Variants in CDH18 observed in about 807,000 individuals in gnomAD.
The protein encoded by CDH18 is cadherin-18.
A neutral mutation model predicts 67.9 loss-of-function variants in CDH18; 31 were observed. That is an observed-to-expected ratio of 0.46 (90% confidence interval 0.34 to 0.62). CDH18 has a LOEUF of 0.62. Among genes scored for constraint, CDH18 ranks in the 20% least tolerant of loss-of-function variants. CDH18 has a pLI of 0.01. For synonymous variants in CDH18, 362 were observed against 347.2 expected (o/e 1.04, Z -0.48); for missense variants, 890 against 975.5 (o/e 0.91, Z 1.17).
rs746624098 is a variant in CDH18 at position 19,571,638 on chromosome 5, A to C, written c.1194T>G (p.Ile398Met). 50 of 1,613,896 alleles carry C rather than the reference A, an allele frequency of 3.1e-5. No individual in the cohort carries two copies. The highest frequency in any genetic ancestry group is 3.6e-5 in the Non-Finnish European group (43 of 1,179,930). Residue 398 changes from isoleucine (I) to methionine (M), a missense_variant, in exon 8 of 13, where the codon ATT (isoleucine) becomes ATG (methionine). Transcript: ENST00000382275. ...CCAAAACTGTACCAACGACGGTCCCAATCTTGGCATTTTCGTAGACTTCCA... is the reference window on the plus strand; with the variant it reads ...CCAAAACTGTACCAACGACGGTCCCCATCTTGGCATTTTCGTAGACTTCCA... Reference protein sequence around the residue: ...YLMEVYENAKIGTVVGTVLAQ... With the variant: ...YLMEVYENAKMGTVVGTVLAQ...
At chr5:20,531,842 T>A (rs2126556494) in intron 1 of CDH18, among the ~76,000 whole-genome samples, 1 of 152,170 alleles carries the variant, frequency 6.6e-6, no homozygotes, top group East Asian at 1.9e-4. Flanking sequence ...CCATGTTACC[T>A]ATGTAGCAAA....
At chr5:19,556,075 A>G (rs1185097798) in intron 8 of CDH18, among the ~76,000 whole-genome samples, 1 of 152,210 alleles carries the variant, frequency 6.6e-6, no homozygotes, top group Non-Finnish European at 1.5e-5. Context: ...AGGAAAGGGA[A>G]GAACACCACA....
intron 3 of CDH18, among the ~76,000 whole-genome samples, chr5:19,814,624 T>C (rs1397216061): frequency 1.3e-5 from 2 of 152,042 alleles, no homozygotes; most frequent in Non-Finnish European, 2.9e-5. Flanking sequence ...TAGGTCCTTT[T>C]ATCAATTAAA....
chr5:19,762,610 G>A (rs1306063849), intron 3 of CDH18, among the ~76,000 whole-genome samples: 1 of 152,144 alleles, frequency 6.6e-6, no homozygotes, highest in Non-Finnish European at 1.5e-5. Context: ...AGGTGTTGGA[G>A]AGGATGTGGA....
intron 3 of CDH18, among the ~76,000 whole-genome samples, chr5:19,794,817 G>A (rs947002662): frequency 2.6e-5 from 4 of 152,080 alleles, no homozygotes; most frequent in African/African-American, 9.7e-5. Flanking sequence ...GTTCAGATAA[G>A]ATGATATACA....
At chr5:20,203,115 G>A (rs2126311025) in intron 2 of CDH18, among the ~76,000 whole-genome samples, 1 of 152,232 alleles carries the variant, frequency 6.6e-6, no homozygotes, top group East Asian at 1.9e-4. Context: ...CCAAGCCTGT[G>A]AAAAATGTTC....
intron 3 of CDH18, among the ~76,000 whole-genome samples, chr5:19,766,134 C>CT (rs1773058162): frequency 6.6e-6 from 1 of 152,170 alleles, no homozygotes. Flanking sequence ...CTGTCCCAGT[C>CT]TCCCAAATTG....
chr5:20,205,624 C>A (rs1193048502), intron 2 of CDH18, among the ~76,000 whole-genome samples: 1 of 151,744 alleles, frequency 6.6e-6, no homozygotes, highest in Non-Finnish European at 1.5e-5. Flanking sequence ...GGTGACAAAT[C>A]AAATCTCAAC....
At chr5:19,603,793 T>C (rs1391582782) in intron 6 of CDH18, among the ~76,000 whole-genome samples, 1 of 149,398 alleles carries the variant, frequency 6.7e-6, no homozygotes. Context: ...ACCAAATTGT[T>C]TATAGTATCA....
intron 2 of CDH18, among the ~76,000 whole-genome samples, chr5:20,030,242 T>C (rs1359018919): frequency 6.6e-6 from 1 of 152,128 alleles, no homozygotes; most frequent in Admixed American, 6.6e-5. Flanking sequence ...CCACACTTTT[T>C]CAAAAGGACT....
intron 2 of CDH18, among the ~76,000 whole-genome samples, chr5:20,116,415 G>A (rs1747915926): frequency 6.6e-6 from 1 of 151,900 alleles, no homozygotes; most frequent in Admixed American, 6.6e-5. Flanking sequence ...TACTTGGGAG[G>A]CTGAGACGGA....
chr5:20,257,123 C>T (rs1231596643), intron 1 of CDH18, among the ~76,000 whole-genome samples: 1 of 151,942 alleles, frequency 6.6e-6, no homozygotes, highest in Non-Finnish European at 1.5e-5. Flanking sequence ...CCAAAATGAC[C>T]TTCTTAAAAC....
At chr5:19,556,918 G>A (rs926966615) in intron 8 of CDH18, among the ~76,000 whole-genome samples, 5 of 152,034 alleles carry the variant, frequency 3.3e-5, no homozygotes, top group African/African-American at 9.7e-5. Flanking sequence ...AAAGGAAAAC[G>A]TATCAGATTA....
At chr5:19,531,609 TCACACACACACACACA>T (rs10552517) in intron 9 of CDH18, among the ~76,000 whole-genome samples, 1 of 148,706 alleles carries the variant, frequency 6.7e-6, no homozygotes, top group Non-Finnish European at 1.5e-5. Flanking sequence ...ATGTGTGTTC[TCACACACACACACACA>T]CACACACACA....
At chr5:20,117,537 T>A (rs1363896943) in intron 2 of CDH18, among the ~76,000 whole-genome samples, 1 of 152,184 alleles carries the variant, frequency 6.6e-6, no homozygotes, top group African/African-American at 2.4e-5. Context: ...AAATTGAGGA[T>A]CTATTAAGTA....
At chr5:20,077,621 AAAG>A (rs764733388) in intron 2 of CDH18, among the ~76,000 whole-genome samples, 13 of 152,244 alleles carry the variant, frequency 8.5e-5, no homozygotes, top group Admixed American at 1.3e-4. Context: ...TGCTGTTGGA[AAAG>A]AAGAATTGTT....
intron 1 of CDH18, among the ~76,000 whole-genome samples, chr5:20,285,692 T>C (rs1302415583): frequency 1.3e-5 from 2 of 151,404 alleles, no homozygotes; most frequent in South Asian, 2.1e-4. Context: ...ACATAATCAA[T>C]TGAAATGCAA....
intron 1 of CDH18, among the ~76,000 whole-genome samples, chr5:20,266,564 C>T (rs919608383): frequency 2.4e-5 from 3 of 127,452 alleles, no homozygotes; most frequent in Non-Finnish European, 4.8e-5. Context: ...CCGGCACGCC[C>T]GGCTGAATTT....
At chr5:19,966,128 TTGAA>T (rs1444768551) in intron 2 of CDH18, among the ~76,000 whole-genome samples, 3 of 152,174 alleles carry the variant, frequency 2.0e-5, no homozygotes, top group African/African-American at 7.2e-5. Flanking sequence ...GTTTAAAAGA[TTGAA>T]AGAAAGGCAA....
Sources: gnomAD v4.1 joint callset for allele counts (sites outside exome capture counted in the v4.1 genomes callset) on GRCh38, gnomAD v4.1.1 for gene constraint, MANE v1.5 for transcripts, NCBI Gene and HGNC (gene_info 2026-07-23, HGNC 2026-07-21) for gene names.